Variants in ACSF3 observed in about 807,000 individuals in gnomAD.
ACSF3 encodes the protein malonate--CoA ligase ACSF3, mitochondrial.
ACSF3 carries 78 observed loss-of-function variants against 53.2 expected under a neutral mutation model. That is an observed-to-expected ratio of 1.47 (90% confidence interval 1.22 to 1.77). The LOEUF (loss-of-function observed/expected upper bound fraction) is 1.77, where lower values mean the gene tolerates loss of function less well. Among genes scored for constraint, ACSF3 ranks in the 40% most tolerant of loss-of-function variants. ACSF3 has a pLI of 0.00. For missense variants in ACSF3, 937 were observed against 771.1 expected (o/e 1.22, Z -2.55); for synonymous variants, 414 against 333.1 (o/e 1.24, Z -2.65).
intron 6 of ACSF3, chr16:89,114,803 C>T (rs1456490894): frequency 1.4e-5 from 6 of 419,128 alleles, no homozygotes; most frequent in African/African-American, 6.1e-5. Flanking sequence ...CAGAGGAAGG[C>T]GGGGGGCCAT....
At chr16:89,131,611 G>T (rs1280554494) in intron 7 of ACSF3, among the ~76,000 whole-genome samples, 1 of 152,180 alleles carries the variant, frequency 6.6e-6, no homozygotes, top group Admixed American at 6.5e-5. Context: ...AGATGTTGAG[G>T]TGTTTGTTTT....
rs1441489855 is a variant in ACSF3, at chr16:89,101,341, G to C, written c.660G>C (p.Arg220Ser). 38 of 1,585,090 alleles carry C rather than the reference G, an allele frequency of 2.4e-5. No homozygotes were observed. The highest frequency in any genetic ancestry group is 3.3e-5 in the Non-Finnish European group (38 of 1,166,354). ...TGCTGAGCACGCACCAAAACATCAG[G>C]GCTGTGGTGAGTGCCGCCTGGCGCC... ...KGVLSTHQNI[R>S]AVVTGLVHKW... Residue 220 changes from arginine to serine, a missense_variant, in exon 3 of 11, where the codon AGG (arginine) becomes AGC (serine). By Grantham distance (110) the Arg-to-Ser change is moderately radical. Coordinates refer to ENST00000614302, the MANE Select transcript of ACSF3 (RefSeq NM_001243279.3).
In ACSF3 at chr16:89,155,348, GGCTC is replaced by G; in HGVS notation, c.*1142_*1145del. The G allele has an allele frequency of 2.2e-6, 1 of 451,632 alleles. No homozygotes were observed. Among genetic ancestry groups the G allele is most frequent in the South Asian group, 1.6e-5 (1 of 64,454 alleles). The allele number at this position is 451,632 out of a possible 1,614,324, so 28.0% of individuals were successfully genotyped here. A position where few individuals can be genotyped will look rare whatever the true frequency, so the allele number is the denominator to read the frequency against. ...CGGGCAGGAGGCCAGCCCCATCTCA[GGCTC>G]ACGTGCCTCTGACAGGAGACCAGCC... On this transcript the variant is annotated 3_prime_UTR_variant, in exon 11 of 11. Coordinates refer to ENST00000614302, the MANE Select transcript of ACSF3 (RefSeq NM_001243279.3).
Position 89,114,182 on chromosome 16 carries a change from A to AC in ACSF3, c.978-156dup, listed in dbSNP as rs1181694957. 93 of 944,124 alleles carry AC rather than the reference A, an allele frequency of 9.9e-5. 1 individual carries two copies. The highest frequency in any genetic ancestry group is 1.7e-4 in the South Asian group (12 of 72,528). 58.5% of individuals were successfully genotyped at this position (944,124 alleles called of 1,614,324 possible). ...CTGCAGCGTTGGTCCCGGGTGTCGCACAGTGGTGCTGTACCCACGGCCTGG... is the reference window on the plus strand; with the variant it reads ...CTGCAGCGTTGGTCCCGGGTGTCGCACCAGTGGTGCTGTACCCACGGCCTGG... On this transcript the variant is annotated intron_variant, in intron 5 of 10. Transcript: ENST00000614302.
chr16:89,115,627 C>T (rs1904992964), intron 6 of ACSF3, among the ~76,000 whole-genome samples: 1 of 152,344 alleles, frequency 6.6e-6, no homozygotes, highest in African/African-American at 2.4e-5. Context: ...TTTTATTTCA[C>T]CTGGGCAGAT....
At chr16:89,130,003 C>G (rs981135303) in intron 7 of ACSF3, among the ~76,000 whole-genome samples, 5 of 152,196 alleles carry the variant, frequency 3.3e-5, no homozygotes, top group African/African-American at 1.2e-4. Context: ...AAAAATATTT[C>G]AGAGAACTTG....
rs369097640 is a variant in ACSF3, at chr16:89,140,891, G to T, written c.1367-4376G>T. Reference sequence around the variant, plus strand: ...CAGCTCATAAATCCAGGTAATAGGAGTTTATTGATTGCTACATTGTATCTG... The same window carrying T: ...CAGCTCATAAATCCAGGTAATAGGATTTTATTGATTGCTACATTGTATCTG... On this transcript the variant is annotated intron_variant, in intron 8 of 10. Coordinates refer to ENST00000614302, the MANE Select transcript of ACSF3 (RefSeq NM_001243279.3). Among the ~76,000 whole-genome samples the T allele has an allele frequency of 4.3e-4, 66 of 152,308 alleles. No individual in the cohort carries two copies. The East Asian group carries it at 7.9e-3, about 18-fold the overall frequency.
rs752914229 is a variant in ACSF3, at chr16:89,101,357, G to A, written c.666+10G>A. 71 of 1,569,534 alleles carry A rather than the reference G, an allele frequency of 4.5e-5. No individual in the cohort carries two copies. Among genetic ancestry groups the A allele is most frequent in the Admixed American group, 7.5e-5 (4 of 53,166 alleles). On this transcript the variant is annotated intron_variant, in intron 3 of 10. Coordinates refer to ENST00000614302, the MANE Select transcript of ACSF3 (RefSeq NM_001243279.3). ...AAACATCAGGGCTGTGGTGAGTGCC[G>A]CCTGGCGCCGTGATGGTTTCGGTGA...
At chr16:89,124,021 G>A (rs1043192496) in intron 7 of ACSF3, among the ~76,000 whole-genome samples, 1 of 151,460 alleles carries the variant, frequency 6.6e-6, no homozygotes, top group Non-Finnish European at 1.5e-5. Flanking sequence ...TCACACGCAC[G>A]CAGTGTGCAC....
chr16:89,100,960 C>T lies in ACSF3; in HGVS notation c.279C>T (p.Leu93=), dbSNP rs1303180432. ...CRLCGCVGGD[L]REERVSFLCA... Reference sequence around the variant, plus strand: ...TCTGCGGGTGTGTCGGCGGGGACCTCCGGGAGGAGAGGGTCTCCTTCCTAT... The same window carrying T: ...TCTGCGGGTGTGTCGGCGGGGACCTTCGGGAGGAGAGGGTCTCCTTCCTAT... Residue 93 remains leucine, a synonymous_variant, in exon 3 of 11, where the codon CTC becomes CTT. Transcript: ENST00000614302. The T allele has an allele frequency of 6.2e-7, 1 of 1,613,620 alleles. No homozygotes were observed. The highest frequency in any genetic ancestry group is 8.5e-7 in the Non-Finnish European group (1 of 1,179,964).
chr16:89,154,354 A>G lies in ACSF3; in HGVS notation c.*147A>G. On this transcript the variant is annotated 3_prime_UTR_variant, in exon 11 of 11. Coordinates refer to ENST00000614302, the MANE Select transcript of ACSF3 (RefSeq NM_001243279.3). ...GTAGAATCAAGAACTGTTTGGGATGAAATCACCATGTGGGGTCCCCAGCCT... is the reference window on the plus strand; with the variant it reads ...GTAGAATCAAGAACTGTTTGGGATGGAATCACCATGTGGGGTCCCCAGCCT... 2 of 805,956 alleles carry G rather than the reference A, an allele frequency of 2.5e-6. No individual in the cohort carries two copies. Among genetic ancestry groups the G allele is most frequent in the Non-Finnish European group, 4.2e-6 (2 of 481,882 alleles). 49.9% of individuals were successfully genotyped at this position (805,956 alleles called of 1,614,324 possible).
Position 89,145,248 on chromosome 16 carries a change from C to T in ACSF3, c.1367-19C>T. On this transcript the variant is annotated intron_variant, in intron 8 of 10. Coordinates refer to ENST00000614302, the MANE Select transcript of ACSF3 (RefSeq NM_001243279.3). ...TGGTGTTTAAGGATGGCCAGTTAAC[C>T]AGAGCCCCTTTTCCTCAGGGGACAC... The T allele has an allele frequency of 1.2e-6, 2 of 1,613,854 alleles. No homozygotes were observed. Among genetic ancestry groups the T allele is most frequent in the African/African-American group, 1.3e-5 (1 of 74,964 alleles).
At chr16:89,094,320 A>C (rs1328364496) in intron 1 of ACSF3, among the ~76,000 whole-genome samples, 1 of 152,088 alleles carries the variant, frequency 6.6e-6, no homozygotes, top group East Asian at 1.9e-4. Flanking sequence ...GTTTGGAATA[A>C]ATTCACTTCC....
chr16:89,114,198 C>A, intron 5 of ACSF3, 141 bp from the exon 6 acceptor site: 3 of 1,133,940 alleles, frequency 2.6e-6, no homozygotes, highest in South Asian at 1.3e-5. Context: ...GTGCTGTACC[C>A]ACGGCCTGGG....
chr16:89,111,833 G>A (rs1976711014), intron 4 of ACSF3, among the ~76,000 whole-genome samples: 1 of 152,148 alleles, frequency 6.6e-6, no homozygotes, highest in South Asian at 2.1e-4. Flanking sequence ...GACCACTCAC[G>A]TCTCTCCAGG....
intron 6 of ACSF3, among the ~76,000 whole-genome samples, chr16:89,120,022 G>C (rs117785977): frequency 5.9e-5 from 9 of 152,224 alleles, no homozygotes; most frequent in African/African-American, 9.6e-5. Flanking sequence ...GGTCATGCCC[G>C]TGCTGACGCC....
At position 89,145,072 on chromosome 16, in the gene ACSF3, C is replaced by T. The variant is rs11076771; in HGVS notation, c.1367-195C>T. On this transcript the variant is annotated intron_variant, in intron 8 of 10. Transcript: ENST00000614302. ...CACAGTCCCACCTTGGGACGCACGT[C>T]GTGACCACCAGGAATGTGGGCTTAC... is the stretch of plus-strand genomic sequence containing the variant. 57,452 of 1,475,778 alleles carry T rather than the reference C, an allele frequency of 0.039. 1,588 individuals carry two copies. Among genetic ancestry groups the T allele is most frequent in the East Asian group, 0.12 (5,000 of 40,596 alleles). 91.4% of individuals were successfully genotyped at this position (1,475,778 alleles called of 1,614,324 possible). A position where few individuals can be genotyped will look rare whatever the true frequency, so the allele number is the denominator to read the frequency against.
At position 89,148,016 on chromosome 16, in the gene ACSF3, C is replaced by G. The variant is rs1455392105; in HGVS notation, c.1613+1967C>G. 3 of 152,114 alleles carry G rather than the reference C, an allele frequency of 2.0e-5. No individual in the cohort carries two copies. The East Asian group carries it at 5.8e-4, about 29-fold the overall frequency. 9.4% of individuals were successfully genotyped at this position (152,114 alleles called of 1,614,324 possible). On this transcript the variant is annotated intron_variant, in intron 10 of 10. Transcript: ENST00000614302. Reference sequence around the variant, plus strand: ...ACCAGTGCCAAAAGAGAGCCGCCAGCCAAAACAAAGGGGCTGCGAGCCCCA... The same window carrying G: ...ACCAGTGCCAAAAGAGAGCCGCCAGGCAAAACAAAGGGGCTGCGAGCCCCA...
intron 10 of ACSF3, chr16:89,150,837 C>T (rs902489665): frequency 4.4e-5 from 22 of 494,844 alleles, no homozygotes; most frequent in East Asian, 7.0e-5. Flanking sequence ...TTGCTGTGCC[C>T]GGCTCAGGCT....
Sources: gnomAD v4.1 joint callset for allele counts (sites outside exome capture counted in the v4.1 genomes callset) on GRCh38, gnomAD v4.1.1 for gene constraint, MANE v1.5 for transcripts, NCBI Gene and HGNC (gene_info 2026-07-23, HGNC 2026-07-21) for gene names.